MAF: variants seen among roughly 807,000 people sequenced by gnomAD.
MAF encodes the protein MAF bZIP transcription factor.
Under a neutral mutation model 22.0 loss-of-function variants are expected in MAF, and 10 were observed. The ratio of observed to expected loss-of-function variants is 0.45; its 90% CI spans 0.28 to 0.77. The LOEUF (loss-of-function observed/expected upper bound fraction) is 0.77. Ranked by LOEUF, MAF falls within the 30% of genes least tolerant of loss-of-function variation. MAF has a pLI of 0.12. For synonymous variants in MAF, 337 were observed against 255.8 expected (o/e 1.32, Z -3.03); for missense variants, 544 against 548.4 (o/e 0.99, Z 0.08).
chr16:79,469,526 A>G, the MAF span, among the ~76,000 whole-genome samples: 3 of 152,270 alleles, frequency 2.0e-5, no homozygotes, highest in East Asian at 5.8e-4. Flanking sequence ...ACAAATTACA[A>G]CTGAAAAAAT....
At chr16:79,257,068 T>C in the MAF span, among the ~76,000 whole-genome samples, 1 of 152,052 alleles carries the variant, frequency 6.6e-6, no homozygotes, top group Non-Finnish European at 1.5e-5. Flanking sequence ...TCTTGGTTAC[T>C]CGGGAGGCTG....
At chr16:79,493,199 T>C in the MAF span, among the ~76,000 whole-genome samples, 3 of 152,162 alleles carry the variant, frequency 2.0e-5, no homozygotes, top group Non-Finnish European at 4.4e-5. Context: ...TTTTGTTTTT[T>C]TGAGACGGAG....
the MAF span, among the ~76,000 whole-genome samples, chr16:79,511,379 G>T: frequency 1.3e-5 from 2 of 152,094 alleles, no homozygotes; most frequent in Non-Finnish European, 1.5e-5. Flanking sequence ...GAGAGGGAAT[G>T]GTTTACTTAT....
At position 79,599,188 on chromosome 16, in the gene MAF, C is replaced by G. The variant is rs561314990; in HGVS notation, c.715G>C (p.Ala239Pro). Residue 239 changes from alanine (A) to proline (P), a missense_variant, in exon 1 of 2, where the codon GCG becomes CCG. This residue lies in a region of MAF where 342 missense variants were observed against 315.5 expected (regional missense o/e 1.08). Coordinates refer to ENST00000326043, the MANE Select transcript of MAF (RefSeq NM_005360.5). The stretch of plus-strand genomic sequence containing the variant: ...TGCAGGGCGCCCCCCGCCCCCGCCG[C>G]GCCCCCGCCGCCTCCGCCGCCGCCG... Reference protein sequence around the residue: ...GGGGGGGGGGAAGAGGALHPH... With the variant: ...GGGGGGGGGGPAGAGGALHPH... 9.4e-7 allele frequency: 1 copy of G among 1,058,320 alleles called. No individual in the cohort carries two copies. The highest frequency in any genetic ancestry group is 1.7e-5 in the African/African-American group (1 of 58,618). 65.6% of individuals were successfully genotyped at this position (1,058,320 alleles called of 1,614,324 possible).
At chr16:79,468,345 C>T in the MAF span, among the ~76,000 whole-genome samples, 1 of 152,198 alleles carries the variant, frequency 6.6e-6, no homozygotes, top group Admixed American at 6.5e-5. Flanking sequence ...CTGCCTGTGT[C>T]CAGCCCTCAA....
At chr16:79,578,408 T>G in the MAF span, among the ~76,000 whole-genome samples, 1 of 152,212 alleles carries the variant, frequency 6.6e-6, no homozygotes, top group African/African-American at 2.4e-5. Context: ...GATATTTATA[T>G]TGATACTCAT....
the MAF span, among the ~76,000 whole-genome samples, chr16:79,434,228 A>G: frequency 1.1e-4 from 16 of 152,370 alleles, no homozygotes; most frequent in Non-Finnish European, 1.9e-4. Context: ...GTTAAATAAA[A>G]TAAGAAAATG....
the MAF span, among the ~76,000 whole-genome samples, chr16:79,451,954 C>T: frequency 6.6e-6 from 1 of 152,176 alleles, no homozygotes; most frequent in Non-Finnish European, 1.5e-5. Flanking sequence ...GCTTTGCATG[C>T]ATTACTTTGT....
the MAF span, among the ~76,000 whole-genome samples, chr16:79,433,189 G>A: frequency 6.6e-6 from 1 of 151,154 alleles, no homozygotes; most frequent in South Asian, 2.1e-4. Context: ...AAGGGTGACT[G>A]TCATTATTTA....
the MAF span, among the ~76,000 whole-genome samples, chr16:79,403,312 T>C: frequency 0.55 from 82,891 of 152,018 alleles, 23,043 homozygotes; most frequent in East Asian, 0.74. Flanking sequence ...GGGCTCAGTG[T>C]ATGCTGAGCA....
the MAF span, among the ~76,000 whole-genome samples, chr16:79,438,294 G>A: frequency 1.9e-4 from 29 of 152,232 alleles, no homozygotes; most frequent in Non-Finnish European, 3.4e-4. Context: ...AGCAGTGTCA[G>A]CCCTGGGACC....
At chr16:79,413,181 T>C in the MAF span, among the ~76,000 whole-genome samples, 3 of 147,850 alleles carry the variant, frequency 2.0e-5, no homozygotes, top group Admixed American at 2.0e-4. Flanking sequence ...TGTGCTCCAA[T>C]TCCAGCTCTG....
At chr16:79,354,149 C>T in the MAF span, among the ~76,000 whole-genome samples, 9 of 152,116 alleles carry the variant, frequency 5.9e-5, no homozygotes, top group Middle Eastern at 3.4e-3. Context: ...TGCGCACCAC[C>T]GTGACTAATT....
the MAF span, among the ~76,000 whole-genome samples, chr16:79,395,876 G>C: frequency 6.6e-6 from 1 of 152,270 alleles, no homozygotes; most frequent in South Asian, 2.1e-4. Context: ...CAGTGAGAGA[G>C]AACTGGCGAG....
At chr16:79,390,145 G>T in the MAF span, among the ~76,000 whole-genome samples, 4 of 151,970 alleles carry the variant, frequency 2.6e-5, no homozygotes, top group Admixed American at 6.6e-5. Flanking sequence ...AAGTCTGGGG[G>T]TAACATCGTG....
chr16:79,216,855 G>T, the MAF span, among the ~76,000 whole-genome samples: 1 of 151,130 alleles, frequency 6.6e-6, no homozygotes, highest in Admixed American at 6.6e-5. Flanking sequence ...TGTCACCCAG[G>T]CTGGAGTGCA....
chr16:79,347,159 T>G, the MAF span, among the ~76,000 whole-genome samples: 149 of 152,354 alleles, frequency 9.8e-4, 2 homozygotes, highest in African/African-American at 3.4e-3. Flanking sequence ...CTAAAATCTG[T>G]GCAGCCACAC....
At chr16:79,309,655 C>T in the MAF span, among the ~76,000 whole-genome samples, 1 of 152,174 alleles carries the variant, frequency 6.6e-6, no homozygotes, top group African/African-American at 2.4e-5. Flanking sequence ...TCTGAGTCCC[C>T]ATCCACAGAG....
chr16:79,316,807 C>T, the MAF span, among the ~76,000 whole-genome samples: 7 of 152,140 alleles, frequency 4.6e-5, no homozygotes, highest in Non-Finnish European at 1.0e-4. Context: ...GTGTTACTCG[C>T]TCCCTTCTTC....
Sources: allele counts gnomAD v4.1 joint callset (sites outside exome capture counted in the v4.1 genomes callset), GRCh38; gene constraint gnomAD v4.1.1; regional missense constraint gnomAD v4.1.1; transcripts MANE v1.5; gene names NCBI Gene and HGNC (gene_info 2026-07-23, HGNC 2026-07-21).